The following PRICKLE1 variants were observed in gnomAD, a reference collection of about 807,000 sequenced individuals.
PRICKLE1 encodes the protein prickle-like protein 1.
In PRICKLE1, 14 loss-of-function variants were observed where a neutral mutation model predicts 70.2. The ratio of observed to expected loss-of-function variants is 0.20; its 90% CI spans 0.13 to 0.31. PRICKLE1 has a LOEUF of 0.31. Among genes scored for constraint, PRICKLE1 ranks in the 10% least tolerant of loss-of-function variants. PRICKLE1 has a pLI of 1.00. For missense variants in PRICKLE1, 821 were observed against 1,026.2 expected, an observed-to-expected ratio of 0.80 and a Z score of 2.73; for synonymous variants, 357 against 379.9, an observed-to-expected ratio of 0.94 and a Z score of 0.70.
At chr12:42,519,227 G>T (rs1259418949) in intron 1 of PRICKLE1, among the ~76,000 whole-genome samples, 3 of 108,148 alleles carry the variant, frequency 2.8e-5, no homozygotes, top group African/African-American at 3.6e-5. Context: ...ATGGTGTGTT[G>T]CTCTTGTCAC....
intron 1 of PRICKLE1, among the ~76,000 whole-genome samples, chr12:42,529,848 C>T (rs1255385972): frequency 6.6e-6 from 1 of 152,076 alleles, no homozygotes; most frequent in Non-Finnish European, 1.5e-5. Context: ...GATTGCTCCA[C>T]TCACTATATT....
rs191130560 is a variant in PRICKLE1 at position 42,476,543 on chromosome 12, T to C, written c.-48-3979A>G. Among the ~76,000 whole-genome samples, 340 of 152,354 alleles carry C rather than the reference T, an allele frequency of 2.2e-3. 3 individuals are homozygous for C. The highest frequency in any genetic ancestry group is 3.4e-3 in the Middle Eastern group (1 of 294). ...GTTGGTCAGACTGGTCTCAAACTCC[T>C]GACCTCAGGGGATCTGCCCGCTTTG... On this transcript the variant is annotated intron_variant, in intron 1 of 7. Coordinates refer to ENST00000345127, the MANE Select transcript of PRICKLE1 (RefSeq NM_153026.3).
chr12:42,492,590 A>G (rs1443840885), intron 1 of PRICKLE1, among the ~76,000 whole-genome samples: 1 of 152,186 alleles, frequency 6.6e-6, no homozygotes, highest in African/African-American at 2.4e-5. Context: ...CAACTGTAGG[A>G]ATTTAAAGGA....
At chr12:42,511,582 C>T (rs374240592) in intron 1 of PRICKLE1, among the ~76,000 whole-genome samples, 1 of 152,128 alleles carries the variant, frequency 6.6e-6, no homozygotes, top group Admixed American at 6.5e-5. Flanking sequence ...AAATGAAAAC[C>T]TACTTTCCCA....
intron 1 of PRICKLE1, among the ~76,000 whole-genome samples, chr12:42,577,363 G>C (rs1940820362): frequency 6.6e-6 from 1 of 151,998 alleles, no homozygotes; most frequent in African/African-American, 2.4e-5. Context: ...TTGATCAGGG[G>C]AAGTGTATAT....
intron 2 of PRICKLE1, 32 bp downstream of exon 2, chr12:42,472,353 A>G (rs947918913): frequency 3.7e-6 from 6 of 1,613,454 alleles, no homozygotes; most frequent in Non-Finnish European, 5.1e-6. Flanking sequence ...ACTGAAAAAC[A>G]AAGAGTAAAT....
intron 1 of PRICKLE1, among the ~76,000 whole-genome samples, chr12:42,568,983 G>A (rs1940666211): frequency 6.6e-6 from 1 of 152,098 alleles, no homozygotes. Context: ...CACAGTGAAG[G>A]CATACTATTT....
chr12:42,481,997 T>A (rs1159059243), intron 1 of PRICKLE1, among the ~76,000 whole-genome samples: 3 of 152,250 alleles, frequency 2.0e-5, no homozygotes, highest in African/African-American at 7.2e-5. Flanking sequence ...AAACATTCCT[T>A]TACTAAGTTT....
Position 42,459,506 on chromosome 12 carries a change from C to T in PRICKLE1, c.*303G>A. 1 of 634,710 alleles carries T rather than the reference C, an allele frequency of 1.6e-6. No homozygotes were observed. The highest frequency in any genetic ancestry group is 2.8e-6 in the Non-Finnish European group (1 of 355,412). The allele number at this position is 634,710 out of a possible 1,614,324, so 39.3% of individuals were successfully genotyped here. A position where few individuals can be genotyped will look rare whatever the true frequency, so the allele number is the denominator to read the frequency against. On this transcript the variant is annotated 3_prime_UTR_variant, in exon 8 of 8. Transcript: ENST00000345127. The stretch of plus-strand genomic sequence containing the variant: ...TCTAAAATCAACATCCAATCCCCTT[C>T]AGTCAGCATCTTCAGTATTCCCTTG...
intron 1 of PRICKLE1, chr12:42,489,690 C>CAAATTTAA (rs1939060470): frequency 7.1e-6 from 1 of 140,728 alleles, no homozygotes; most frequent in Non-Finnish European, 1.5e-5. Flanking sequence ...AAAAAAATTC[C>CAAATTTAA]AAATTTAAGT....
At chr12:42,466,064 G>T in intron 6 of PRICKLE1, 130 bp downstream of exon 6, 1 of 980,098 alleles carries the variant, frequency 1.0e-6, no homozygotes, top group Non-Finnish European at 1.6e-6. Context: ...GAACATTTAA[G>T]ATCTGTACAT....
Position 42,472,371 on chromosome 12 carries a change from G to A in PRICKLE1, c.132+14C>T. Reference sequence around the variant, plus strand: ...GAAAAACAAAGAGTAAATATAGGATGATGAAGTTCCTACCTGCTCTGGTCT... The same window carrying A: ...GAAAAACAAAGAGTAAATATAGGATAATGAAGTTCCTACCTGCTCTGGTCT... On this transcript the variant is annotated intron_variant, in intron 2 of 7. Coordinates refer to ENST00000345127, the MANE Select transcript of PRICKLE1 (RefSeq NM_153026.3). 6.2e-7 allele frequency: 1 copy of A among 1,613,944 alleles called. No individual in the cohort carries two copies. The highest frequency in any genetic ancestry group is 1.1e-5 in the South Asian group (1 of 91,068).
chr12:42,473,638 T>C (rs1938407799), intron 1 of PRICKLE1, among the ~76,000 whole-genome samples: 1 of 152,126 alleles, frequency 6.6e-6, no homozygotes, highest in South Asian at 2.1e-4. Flanking sequence ...AAAAAAATGA[T>C]GTAAAGAAAG....
At chr12:42,506,263 T>C (rs553818410) in intron 1 of PRICKLE1, among the ~76,000 whole-genome samples, 8 of 146,660 alleles carry the variant, frequency 5.5e-5, no homozygotes, top group African/African-American at 1.8e-4. Context: ...TTCTTTCTTT[T>C]TTTTTTTTTT....
At chr12:42,559,412 G>A (rs1453017984) in intron 1 of PRICKLE1, among the ~76,000 whole-genome samples, 2 of 151,864 alleles carry the variant, frequency 1.3e-5, no homozygotes, top group Non-Finnish European at 2.9e-5. Context: ...ACAGGGTCTT[G>A]CTCTGTTGCC....
chr12:42,502,321 T>C lies in PRICKLE1; in HGVS notation c.-48-29757A>G, dbSNP rs561215865. On this transcript the variant is annotated intron_variant, in intron 1 of 7. Transcript: ENST00000345127. ...TTTTTCTTTTCTTTTCTTTTCTTTTTTTTTGAGACAGGGTCTCATTCTGTT... is the reference window on the plus strand; with the variant it reads ...TTTTTCTTTTCTTTTCTTTTCTTTTCTTTTGAGACAGGGTCTCATTCTGTT... Among the ~76,000 whole-genome samples, 12 of 150,226 alleles carry C rather than the reference T, an allele frequency of 8.0e-5. No individual in the cohort carries two copies. The South Asian group carries it at 2.1e-3, about 26-fold the overall frequency.
intron 1 of PRICKLE1, among the ~76,000 whole-genome samples, chr12:42,505,728 G>A (rs1435943246): frequency 6.6e-6 from 1 of 152,168 alleles, no homozygotes; most frequent in Non-Finnish European, 1.5e-5. Context: ...AAGCCACTGA[G>A]CCCGGCCCAG....
chr12:42,493,196 G>T (rs1428354645), intron 1 of PRICKLE1, among the ~76,000 whole-genome samples: 4 of 152,000 alleles, frequency 2.6e-5, no homozygotes, highest in Middle Eastern at 3.2e-3. Flanking sequence ...AATAATAATT[G>T]TACATTTAAA....
chr12:42,519,832 G>C (rs1302432205), intron 1 of PRICKLE1, among the ~76,000 whole-genome samples: 1 of 152,124 alleles, frequency 6.6e-6, no homozygotes, highest in South Asian at 2.1e-4. Flanking sequence ...GTTAGAGATG[G>C]GGTCTCATTC....
Sources: allele counts gnomAD v4.1 joint callset (sites outside exome capture counted in the v4.1 genomes callset), GRCh38; gene constraint gnomAD v4.1.1; transcripts MANE v1.5; gene names NCBI Gene and HGNC (gene_info 2026-07-23, HGNC 2026-07-21).